Variants in ZNF516 observed in about 807,000 individuals in gnomAD.
ZNF516 encodes the protein zinc finger protein 516.
In ZNF516, 19 loss-of-function variants were observed where a neutral mutation model predicts 79.7. The ratio of observed to expected loss-of-function variants is 0.24; its 90% CI spans 0.17 to 0.35. ZNF516 has a LOEUF of 0.35. ZNF516 is among the 10% of genes least tolerant of loss of function. The pLI, the probability that ZNF516 is intolerant of heterozygous loss-of-function variation, is 1.00. For synonymous variants in ZNF516, 877 were observed against 739.5 expected (o/e 1.19, Z -3.02); for missense variants, 1,678 against 1,679.5 (o/e 1.00, Z 0.02).
chr18:76,461,535 G>A (rs188327247), intron 2 of ZNF516, among the ~76,000 whole-genome samples: 1 of 152,254 alleles, frequency 6.6e-6, no homozygotes, highest in Admixed American at 6.5e-5. Context: ...GGAAATTTGG[G>A]GGTGGAAGGA....
chr18:76,461,425 G>C (rs1045213208), intron 2 of ZNF516, among the ~76,000 whole-genome samples: 1 of 152,156 alleles, frequency 6.6e-6, no homozygotes, highest in Non-Finnish European at 1.5e-5. Context: ...CCCTGACCAA[G>C]AGGGCCCAGG....
At chr18:76,370,725 C>G (rs951889842) in intron 5 of ZNF516, 130 bp from the exon 6 acceptor site, 2 of 711,572 alleles carry the variant, frequency 2.8e-6, no homozygotes, top group East Asian at 3.2e-5. Flanking sequence ...CTGGAAAATA[C>G]CAATTTACCG....
chr18:76,388,190 C>T (rs1460736576), intron 3 of ZNF516: 3 of 152,202 alleles, frequency 2.0e-5, no homozygotes, highest in African/African-American at 7.2e-5. Context: ...AATCACCATC[C>T]TTCAAAGCCT....
intron 1 of ZNF516, among the ~76,000 whole-genome samples, chr18:76,472,506 T>C (rs765708912): frequency 5.3e-5 from 8 of 152,286 alleles, no homozygotes; most frequent in Admixed American, 5.2e-4. Flanking sequence ...TACACACATA[T>C]GCACTTGCGA....
intron 1 of ZNF516, among the ~76,000 whole-genome samples, chr18:76,491,854 G>C (rs1915245930): frequency 6.6e-6 from 1 of 152,020 alleles, no homozygotes; most frequent in Non-Finnish European, 1.5e-5. Flanking sequence ...TCCCAGGGCT[G>C]CCCAGTCCCG....
intron 3 of ZNF516, among the ~76,000 whole-genome samples, chr18:76,384,052 C>A (rs62110870): frequency 0.16 from 24,438 of 152,238 alleles, 2,020 homozygotes; most frequent in Middle Eastern, 0.17. Flanking sequence ...AAGGGGACCA[C>A]GACACCCATC....
At chr18:76,424,859 G>A (rs531697904) in intron 3 of ZNF516, among the ~76,000 whole-genome samples, 36 of 144,460 alleles carry the variant, frequency 2.5e-4, no homozygotes, top group African/African-American at 8.6e-4. Context: ...ACACACGCAG[G>A]TGAAAAGGTT....
intron 3 of ZNF516, among the ~76,000 whole-genome samples, chr18:76,418,322 C>T (rs1032617484): frequency 3.3e-5 from 5 of 152,094 alleles, no homozygotes; most frequent in Admixed American, 1.3e-4. Flanking sequence ...TGCTGTAACA[C>T]ACTAACACAC....
In ZNF516 at chr18:76,443,130, A is replaced by G. The variant is rs929066494; in HGVS notation, c.-76T>C. On this transcript the variant is annotated 5_prime_UTR_variant, in exon 3 of 7. The change abolishes an upstream ATG in the 5' untranslated region. Coordinates refer to ENST00000443185, the MANE Select transcript of ZNF516 (RefSeq NM_014643.4). The stretch of plus-strand genomic sequence containing the variant: ...GCTGCAGGGACCGTCCTATCTCTCC[A>G]TGGTCAGAAGAGCCAAAAGACGTGC... 9.4e-6 allele frequency: 14 copies of G among 1,488,438 alleles called. No homozygotes were observed. The highest frequency in any genetic ancestry group is 1.4e-5 in the African/African-American group (1 of 70,312). The allele number at this position is 1,488,438 out of a possible 1,614,324, so 92.2% of individuals were successfully genotyped here.
chr18:76,413,576 T>C (rs1056803870), intron 3 of ZNF516, among the ~76,000 whole-genome samples: 1 of 152,130 alleles, frequency 6.6e-6, no homozygotes, highest in Non-Finnish European at 1.5e-5. Flanking sequence ...AAAAAAAAAT[T>C]ATGTCATGAC....
chr18:76,421,337 T>C (rs1599060789), intron 3 of ZNF516, among the ~76,000 whole-genome samples: 1 of 152,164 alleles, frequency 6.6e-6, no homozygotes, highest in African/African-American at 2.4e-5. Flanking sequence ...GCCAGAGGTA[T>C]GGCGGGCTAG....
intron 2 of ZNF516, among the ~76,000 whole-genome samples, chr18:76,445,939 G>A (rs557731649): frequency 2.6e-5 from 4 of 152,352 alleles, no homozygotes; most frequent in African/African-American, 4.8e-5. Flanking sequence ...TGGGGTCTGC[G>A]CCCAGAGAAG....
At chr18:76,458,835 G>T (rs1382456742) in intron 2 of ZNF516, among the ~76,000 whole-genome samples, 1 of 149,716 alleles carries the variant, frequency 6.7e-6, no homozygotes, top group Middle Eastern at 3.4e-3. Flanking sequence ...GTGCCTCACC[G>T]TTGTGTGTGT....
intron 2 of ZNF516, among the ~76,000 whole-genome samples, chr18:76,462,423 C>G (rs1003615191): frequency 6.6e-6 from 1 of 152,242 alleles, no homozygotes; most frequent in East Asian, 1.9e-4. Flanking sequence ...TTAGAAACAT[C>G]GCCGTCAGGG....
chr18:76,383,390 C>T lies in ZNF516; in HGVS notation c.1811-3087G>A, dbSNP rs372711405. Among the ~76,000 whole-genome samples, 15 of 150,686 alleles carry T rather than the reference C, an allele frequency of 1.0e-4. No individual in the cohort carries two copies. In the East Asian group the frequency reaches 1.4e-3, roughly 14 times the overall value. ...GACCCTCTTCTCCACCAGGCACCTT[C>T]TCAGCCAGGGACCCAGGACCCTCTT... is the stretch of plus-strand genomic sequence containing the variant. On this transcript the variant is annotated intron_variant, in intron 3 of 6. Coordinates refer to ENST00000443185, the MANE Select transcript of ZNF516 (RefSeq NM_014643.4).
At chr18:76,400,651 G>A (rs1024925427) in intron 3 of ZNF516, among the ~76,000 whole-genome samples, 6 of 152,154 alleles carry the variant, frequency 3.9e-5, no homozygotes, top group African/African-American at 1.4e-4. Flanking sequence ...TAGGAAGCTT[G>A]TCCACACAGA....
intron 4 of ZNF516, among the ~76,000 whole-genome samples, chr18:76,374,766 A>C (rs1270661860): frequency 6.6e-6 from 1 of 152,214 alleles, no homozygotes; most frequent in Non-Finnish European, 1.5e-5. Context: ...CAATAGGGGT[A>C]ATCAATGACC....
chr18:76,487,302 G>C (rs939107861), intron 1 of ZNF516, among the ~76,000 whole-genome samples: 1 of 152,160 alleles, frequency 6.6e-6, no homozygotes. Context: ...AGAGCATAAG[G>C]AATGCAAAAC....
At chr18:76,415,442 A>T (rs2075421179) in intron 3 of ZNF516, among the ~76,000 whole-genome samples, 1 of 152,130 alleles carries the variant, frequency 6.6e-6, no homozygotes, top group African/African-American at 2.4e-5. Flanking sequence ...CACTAAGTGC[A>T]CGCCTCTGAG....
Sources: allele counts gnomAD v4.1 joint callset (sites outside exome capture counted in the v4.1 genomes callset), GRCh38; gene constraint gnomAD v4.1.1; transcripts MANE v1.5; gene names NCBI Gene and HGNC (gene_info 2026-07-23, HGNC 2026-07-21).